CNTN1: variants seen among roughly 807,000 people sequenced by gnomAD.
CNTN1 encodes the protein contactin 1.
CNTN1 carries 38 observed loss-of-function variants against 126.4 expected under a neutral mutation model. The observed-to-expected ratio is 0.30, with a 90% CI of 0.23 to 0.39. The LOEUF (loss-of-function observed/expected upper bound fraction) is 0.39, where lower values mean the gene tolerates loss of function less well. Among genes scored for constraint, CNTN1 ranks in the 10% least tolerant of loss-of-function variants. The pLI is 1.00. For missense variants in CNTN1, 1,009 were observed against 1,248.4 expected (o/e 0.81, Z 2.89); for synonymous variants, 413 against 422.6 (o/e 0.98, Z 0.28).
At position 40,888,826 on chromosome 12, in the gene CNTN1, C is replaced by G. The variant is rs114915673; in HGVS notation, c.-76-19531C>G. On this transcript the variant is annotated intron_variant, in intron 1 of 23. Coordinates refer to ENST00000551295, the MANE Select transcript of CNTN1 (RefSeq NM_001843.4). ...GCTGGGTGGCTTTCCACAAACAAAA[C>G]AAGTTTGAGAGTTGCAGCAAAAGGA... 8.9e-3 allele frequency among the ~76,000 whole-genome samples: 1,348 copies of G among 152,240 alleles called. 16 individuals carry two copies. The highest frequency in any genetic ancestry group is 0.031 in the African/African-American group (1,276 of 41,528).
rs368738367 is a variant in CNTN1, at chr12:40,990,479, C to T, written c.1964-2641C>T. On this transcript the variant is annotated intron_variant, in intron 16 of 23. Coordinates refer to ENST00000551295, the MANE Select transcript of CNTN1 (RefSeq NM_001843.4). Reference sequence around the variant, plus strand: ...TTATTCTTCCTTTCTTCATCTCACTCGTTAAAATCAAAGCCTTGGCTCCTC... The same window carrying T: ...TTATTCTTCCTTTCTTCATCTCACTTGTTAAAATCAAAGCCTTGGCTCCTC... Among the ~76,000 whole-genome samples, 277 of 152,214 alleles carry T rather than the reference C, an allele frequency of 1.8e-3. 1 individual carries two copies. Among genetic ancestry groups the T allele is most frequent in the African/African-American group, 6.1e-3 (253 of 41,522 alleles).
At chr12:40,775,589 C>T (rs1313116049) in intron 1 of CNTN1, among the ~76,000 whole-genome samples, 2 of 151,334 alleles carry the variant, frequency 1.3e-5, no homozygotes, top group East Asian at 1.9e-4. Context: ...TTTGAGAAAT[C>T]GTTTCTCCTA....
At chr12:40,734,009 A>T (rs1431044703) in intron 1 of CNTN1, among the ~76,000 whole-genome samples, 1 of 152,084 alleles carries the variant, frequency 6.6e-6, no homozygotes, top group Non-Finnish European at 1.5e-5. Context: ...ATTTCCATTA[A>T]ACTGTAAAAA....
At chr12:40,952,562 A>G (rs1391421155) in intron 14 of CNTN1, among the ~76,000 whole-genome samples, 1 of 151,898 alleles carries the variant, frequency 6.6e-6, no homozygotes, top group East Asian at 1.9e-4. Flanking sequence ...CGACACTAGT[A>G]ATATTAGTGG....
At chr12:41,054,937 G>A (rs1356886958) in intron 23 of CNTN1, among the ~76,000 whole-genome samples, 4 of 152,180 alleles carry the variant, frequency 2.6e-5, no homozygotes, top group East Asian at 3.9e-4. Flanking sequence ...TTAATTAGAC[G>A]AAATCCAACA....
intron 1 of CNTN1, among the ~76,000 whole-genome samples, chr12:40,745,128 T>C (rs1158528683): frequency 6.6e-6 from 1 of 152,162 alleles, no homozygotes; most frequent in Non-Finnish European, 1.5e-5. Flanking sequence ...CTGGGAGATA[T>C]GTTAACATTT....
chr12:40,841,231 T>C (rs1304175868), intron 1 of CNTN1, among the ~76,000 whole-genome samples: 6 of 152,028 alleles, frequency 3.9e-5, no homozygotes, highest in African/African-American at 1.4e-4. Flanking sequence ...CAAGGTTAAA[T>C]CAGGAGGTAG....
chr12:40,808,612 T>A (rs904377641), intron 1 of CNTN1, among the ~76,000 whole-genome samples: 1 of 152,188 alleles, frequency 6.6e-6, no homozygotes, highest in Non-Finnish European at 1.5e-5. Context: ...ACTGTGATTT[T>A]TTTAAACAAC....
chr12:40,725,401 C>CAAAAAAAAAAAAAAAAAAAAAAGAAAA (rs1942325662), intron 1 of CNTN1, among the ~76,000 whole-genome samples: 2 of 45,334 alleles, frequency 4.4e-5, no homozygotes, highest in African/African-American at 9.1e-5. Context: ...AACTCTGTCT[C>CAAAAAAAAAAAAAAAAAAAAAAGAAAA]AAAAAAAAAA....
chr12:40,767,304 C>CTTTTTTTTT lies in CNTN1; in HGVS notation c.-77+74726_-77+74734dup, dbSNP rs10639318. On this transcript the variant is annotated intron_variant, in intron 1 of 23. Coordinates refer to ENST00000551295, the MANE Select transcript of CNTN1 (RefSeq NM_001843.4). ...ATTATCTTATTTCTGCTGACCTTTC[C>CTTTTTTTTT]TTTTTTTTTTTTTTTTTTTTTTGAG... is the stretch of plus-strand genomic sequence containing the variant. Among the ~76,000 whole-genome samples, 74 of 89,730 alleles carry CTTTTTTTTT rather than the reference C, an allele frequency of 8.2e-4. 1 individual carries two copies. The highest frequency in any genetic ancestry group is 9.4e-4 in the Non-Finnish European group (47 of 49,926). The allele number at this position is 89,730 out of a possible 152,430, so 58.9% of individuals were successfully genotyped here.
chr12:40,948,715 T>C (rs1031879772), intron 14 of CNTN1, among the ~76,000 whole-genome samples: 6 of 152,224 alleles, frequency 3.9e-5, no homozygotes, highest in South Asian at 2.1e-4. Flanking sequence ...AATTCTCCCA[T>C]AAGTATTTGA....
chr12:40,997,226 C>A (rs527698002), intron 17 of CNTN1, among the ~76,000 whole-genome samples: 96 of 152,294 alleles, frequency 6.3e-4, no homozygotes, highest in Non-Finnish European at 1.1e-3. Flanking sequence ...GTAAGACATG[C>A]CCCCATGGCT....
intron 1 of CNTN1, among the ~76,000 whole-genome samples, chr12:40,750,031 G>A (rs1233979825): frequency 3.9e-5 from 6 of 152,058 alleles, no homozygotes; most frequent in Non-Finnish European, 5.9e-5. Flanking sequence ...GGTCACTGAG[G>A]CTGTGAAAAG....
chr12:41,047,685 A>G (rs1292799687), intron 23 of CNTN1, among the ~76,000 whole-genome samples: 1 of 152,022 alleles, frequency 6.6e-6, no homozygotes, highest in Non-Finnish European at 1.5e-5. Flanking sequence ...TCCAAATGAC[A>G]TTGGAGAGAA....
intron 1 of CNTN1, among the ~76,000 whole-genome samples, chr12:40,795,445 C>T (rs1389822834): frequency 6.6e-6 from 1 of 151,300 alleles, no homozygotes; most frequent in East Asian, 2.0e-4. Context: ...AGAACCTATA[C>T]ATATAGATTA....
intron 1 of CNTN1, among the ~76,000 whole-genome samples, chr12:40,832,106 C>T (rs1487320434): frequency 6.6e-6 from 1 of 152,116 alleles, no homozygotes; most frequent in Non-Finnish European, 1.5e-5. Flanking sequence ...ACCAGAATAA[C>T]ATGTTTAGAC....
At chr12:40,985,946 T>G (rs1183066977) in intron 16 of CNTN1, among the ~76,000 whole-genome samples, 2 of 152,124 alleles carry the variant, frequency 1.3e-5, no homozygotes, top group African/African-American at 2.4e-5. Context: ...TTTCCTCTCT[T>G]GCTTACATAG....
At chr12:40,815,996 A>C (rs1291785717) in intron 1 of CNTN1, among the ~76,000 whole-genome samples, 1 of 152,186 alleles carries the variant, frequency 6.6e-6, no homozygotes, top group Non-Finnish European at 1.5e-5. Flanking sequence ...CCCAGGGTTA[A>C]AGCTGACTTG....
At chr12:40,893,821 C>A (rs1592216727) in intron 1 of CNTN1, among the ~76,000 whole-genome samples, 2 of 152,084 alleles carry the variant, frequency 1.3e-5, no homozygotes, top group Non-Finnish European at 2.9e-5. Flanking sequence ...AGCTATCCCC[C>A]ACTCCTGTCT....
Sources: gnomAD v4.1 joint callset for allele counts (sites outside exome capture counted in the v4.1 genomes callset) on GRCh38, gnomAD v4.1.1 for gene constraint, MANE v1.5 for transcripts, NCBI Gene and HGNC (gene_info 2026-07-23, HGNC 2026-07-21) for gene names.